Variants in MAST4 observed in about 807,000 individuals in gnomAD.
The protein encoded by MAST4 is microtubule-associated serine/threonine-protein kinase 4.
In MAST4, 89 loss-of-function variants were observed where a neutral mutation model predicts 162.7. That is an observed-to-expected ratio of 0.55 (90% CI 0.46 to 0.65). MAST4 has a LOEUF of 0.65. Ranked by LOEUF, MAST4 falls within the 30% of genes least tolerant of loss-of-function variation. The pLI, the probability that MAST4 is intolerant of heterozygous loss-of-function variation, is 0.00. For missense variants in MAST4, 3,153 were observed against 3,374.0 expected, an observed-to-expected ratio of 0.93 and a Z score of 1.62; for synonymous variants, 1,479 against 1,361.1, an observed-to-expected ratio of 1.09 and a Z score of -1.91.
intron 1 of MAST4, among the ~76,000 whole-genome samples, chr5:66,715,090 A>G (rs1193189164): frequency 1.3e-5 from 2 of 152,096 alleles, no homozygotes; most frequent in Non-Finnish European, 2.9e-5. Context: ...CAGCTTCCCT[A>G]TATACTCTTT....
chr5:66,749,136 G>T (rs899614168), intron 1 of MAST4, among the ~76,000 whole-genome samples: 1 of 152,118 alleles, frequency 6.6e-6, no homozygotes, highest in African/African-American at 2.4e-5. Flanking sequence ...CTTGAGCTGA[G>T]CCTAGGGCGA....
chr5:67,146,204 T>C (rs1771063893), intron 23 of MAST4, among the ~76,000 whole-genome samples: 1 of 152,228 alleles, frequency 6.6e-6, no homozygotes, highest in Non-Finnish European at 1.5e-5. Flanking sequence ...AAGCACTTTT[T>C]AAAAGTTACC....
chr5:66,861,553 A>G (rs1760118497), intron 3 of MAST4, among the ~76,000 whole-genome samples: 1 of 152,204 alleles, frequency 6.6e-6, no homozygotes, highest in Non-Finnish European at 1.5e-5. Flanking sequence ...AGTGCCTTCC[A>G]CACATGCTAT....
intron 1 of MAST4, among the ~76,000 whole-genome samples, chr5:66,624,129 A>T (rs1041099108): frequency 2.0e-4 from 30 of 148,272 alleles, no homozygotes; most frequent in African/African-American, 7.2e-4. Context: ...GATTGGAAGA[A>T]TTAATATTGT....
intron 5 of MAST4, among the ~76,000 whole-genome samples, chr5:67,073,962 A>G (rs1761276869): frequency 6.6e-6 from 1 of 152,166 alleles, no homozygotes; most frequent in Non-Finnish European, 1.5e-5. Context: ...TAAAAGGAAA[A>G]GATTGATAAT....
chr5:66,612,509 G>A (rs945369297), intron 1 of MAST4, among the ~76,000 whole-genome samples: 4 of 152,184 alleles, frequency 2.6e-5, no homozygotes, highest in Non-Finnish European at 4.4e-5. Context: ...TACTTGCAAA[G>A]GGCGTAGGAG....
intron 1 of MAST4, among the ~76,000 whole-genome samples, chr5:66,614,483 T>A (rs939980951): frequency 6.6e-6 from 1 of 152,036 alleles, no homozygotes; most frequent in African/African-American, 2.4e-5. Context: ...AGCCAAGGAG[T>A]TTATTGGCCC....
intron 1 of MAST4, among the ~76,000 whole-genome samples, chr5:66,610,765 G>A (rs1008294920): frequency 2.0e-5 from 3 of 152,230 alleles, no homozygotes; most frequent in African/African-American, 7.2e-5. Flanking sequence ...GAACAGGTAA[G>A]CTGGAAGAAG....
rs759011976 is a variant in MAST4, at chr5:67,145,373, C to G, written c.3088C>G (p.Leu1030Val). 3 of 1,612,518 alleles carry G rather than the reference C, an allele frequency of 1.9e-6. No individual in the cohort carries two copies. Among genetic ancestry groups the G allele is most frequent in the Middle Eastern group, 2.0e-4 (1 of 5,062 alleles). Reference sequence around the variant, plus strand: ...AGCCAGCACCATCAGCAGCTCCACCCTGTCAGGTAAGCCCCGGGCCATAGT... The same window carrying G: ...AGCCAGCACCATCAGCAGCTCCACCGTGTCAGGTAAGCCCCGGGCCATAGT... ...TPASTISSST[L>V]SVGSFSEHLD... is the part of the protein sequence containing the mutation. The change falls in exon 23 of 29, where the codon CTG becomes GTG. Residue 1030 changes from leucine (L) to valine (V), a missense_variant. By Grantham distance (32) the Leu-to-Val change is conservative. This residue lies in a region of MAST4 where 619 missense variants were observed against 744.2 expected (regional missense o/e 0.83). Transcript: ENST00000403625.
chr5:67,130,618 T>C (rs1335151225), intron 15 of MAST4, among the ~76,000 whole-genome samples, 200 bp downstream of exon 15: 1 of 152,110 alleles, frequency 6.6e-6, no homozygotes, highest in African/African-American at 2.4e-5. Context: ...AAGAGAAAAT[T>C]AGCGCTATCT....
intron 26 of MAST4, among the ~76,000 whole-genome samples, chr5:67,157,036 T>C (rs1312232864): frequency 6.6e-6 from 1 of 152,254 alleles, no homozygotes; most frequent in Non-Finnish European, 1.5e-5. Context: ...GTTATTTTTT[T>C]AAACAAGTGC....
intron 4 of MAST4, chr5:67,005,026 G>C (rs777790562): frequency 1.3e-6 from 1 of 775,030 alleles, no homozygotes. Flanking sequence ...TTTGGACTGT[G>C]CTCTCAAACT....
At chr5:66,738,582 G>A (rs1439924655) in intron 1 of MAST4, among the ~76,000 whole-genome samples, 1 of 152,226 alleles carries the variant, frequency 6.6e-6, no homozygotes, top group Non-Finnish European at 1.5e-5. Context: ...AGTAAAATGT[G>A]CAGTGTGTTA....
intron 1 of MAST4, among the ~76,000 whole-genome samples, chr5:66,718,162 G>T (rs62360028): frequency 6.7e-6 from 1 of 149,444 alleles, no homozygotes; most frequent in African/African-American, 2.5e-5. Context: ...TAAAACCAGT[G>T]GGTTTTTTTT....
At chr5:67,107,883 A>G (rs900416238) in intron 10 of MAST4, among the ~76,000 whole-genome samples, 2 of 152,212 alleles carry the variant, frequency 1.3e-5, no homozygotes, top group Non-Finnish European at 2.9e-5. Context: ...GGTCATGGTT[A>G]TGTTTTGTAG....
chr5:66,845,115 A>G (rs1034484688), intron 3 of MAST4, among the ~76,000 whole-genome samples: 2 of 132,876 alleles, frequency 1.5e-5, no homozygotes, highest in African/African-American at 5.8e-5. Context: ...ATATATATAT[A>G]TATATATATA....
chr5:67,116,208 GT>G (rs113054688), intron 12 of MAST4, among the ~76,000 whole-genome samples: 32 of 125,346 alleles, frequency 2.6e-4, no homozygotes, highest in African/African-American at 3.5e-4. Flanking sequence ...TTGTTTGTTT[GT>G]TTTGTTTTGT....
intron 1 of MAST4, among the ~76,000 whole-genome samples, chr5:66,641,061 T>C (rs1745458925): frequency 6.6e-6 from 1 of 152,230 alleles, no homozygotes; most frequent in South Asian, 2.1e-4. Context: ...GATTATTCAG[T>C]TCTTTTGGCA....
intron 4 of MAST4, among the ~76,000 whole-genome samples, chr5:66,981,034 C>T (rs1390183815): frequency 3.9e-5 from 6 of 152,068 alleles, no homozygotes; most frequent in African/African-American, 1.4e-4. Context: ...TAGTGCTGGA[C>T]TGAGACTCCA....
Sources: gnomAD v4.1 joint callset for allele counts (sites outside exome capture counted in the v4.1 genomes callset) on GRCh38, gnomAD v4.1.1 for gene constraint, gnomAD v4.1.1 regional missense constraint, MANE v1.5 for transcripts, NCBI Gene and HGNC (gene_info 2026-07-23, HGNC 2026-07-21) for gene names.